The following NPLOC4 variants were observed in gnomAD, a reference collection of about 807,000 sequenced individuals.
NPLOC4 encodes the protein NPL4 homolog, ubiquitin recognition factor, also known as nuclear protein localization protein 4 homolog.
NPLOC4 carries 18 observed loss-of-function variants against 80.6 expected under a neutral mutation model. That is an observed-to-expected ratio of 0.22 (90% CI 0.15 to 0.33). The LOEUF is 0.33. Ranked by LOEUF, NPLOC4 falls within the 10% of genes least tolerant of loss-of-function variation. The probability of loss-of-function intolerance (pLI) is 1.00; values close to 1 mark genes in which losing one functional copy is unlikely to be tolerated. For missense variants in NPLOC4, 540 were observed against 786.1 expected, an observed-to-expected ratio of 0.69 and a Z score of 3.74; for synonymous variants, 313 against 301.5, an observed-to-expected ratio of 1.04 and a Z score of -0.39.
intron 2 of NPLOC4, among the ~76,000 whole-genome samples, chr17:81,624,787 C>T (rs7219915): frequency 0.62 from 93,636 of 151,984 alleles, 30,871 homozygotes; most frequent in East Asian, 0.99. Flanking sequence ...TGGGTAAGCC[C>T]GCCACACGCG....
At position 81,580,397 on chromosome 17, in the gene NPLOC4, C is replaced by T. The variant is rs757487793; in HGVS notation, c.1282-8309G>A. ...CTACCCTAGTCTCCTTTTCCAGCTCCGAGCCCAGCAGCCAGAGTGATCGTC... is the reference window on the plus strand; with the variant it reads ...CTACCCTAGTCTCCTTTTCCAGCTCTGAGCCCAGCAGCCAGAGTGATCGTC... On this transcript the variant is annotated intron_variant, in intron 12 of 16. Transcript: ENST00000331134. The surrounding 1 kb of genome is among the most constrained non-coding windows in gnomAD (Gnocchi z 4.4). 9.2e-5 allele frequency among the ~76,000 whole-genome samples: 14 copies of T among 152,278 alleles called. No individual in the cohort carries two copies. Among genetic ancestry groups the T allele is most frequent in the Middle Eastern group, 3.4e-3 (1 of 294 alleles).
chr17:81,618,818 A>G (rs1374326340), intron 3 of NPLOC4, among the ~76,000 whole-genome samples: 1 of 152,158 alleles, frequency 6.6e-6, no homozygotes, highest in Non-Finnish European at 1.5e-5. Context: ...GTCTGTGTAG[A>G]AGGAAGTAGA....
In NPLOC4 at chr17:81,632,382, G is replaced by A. The variant is rs745814942; in HGVS notation, c.16-2577C>T. Among the ~76,000 whole-genome samples, 11 of 145,958 alleles carry A rather than the reference G, an allele frequency of 7.5e-5. No individual in the cohort carries two copies. In the Middle Eastern group the frequency reaches 0.012, roughly 157 times the overall value. On this transcript the variant is annotated intron_variant, in intron 1 of 16. Transcript: ENST00000331134. ...GGCTGGAGTGCAATGGCGTGATCTC[G>A]GCTCACTGCAACCTCTGCCTCCCCG...
intron 12 of NPLOC4, among the ~76,000 whole-genome samples, chr17:81,586,168 G>C (rs538047513): frequency 3.9e-5 from 6 of 152,240 alleles, no homozygotes; most frequent in Non-Finnish European, 8.8e-5. Flanking sequence ...CCCAGCAAAG[G>C]GGACTGTGGC....
At chr17:81,566,819 G>A (rs551094414) in intron 15 of NPLOC4, 1 of 152,830 alleles carries the variant, frequency 6.5e-6, no homozygotes, top group African/African-American at 2.4e-5. Context: ...GCCAAAGTCG[G>A]ACCCCTACAC....
At chr17:81,604,821 C>T (rs987591905) in intron 7 of NPLOC4, 94 bp from the exon 8 acceptor site, 15 of 1,201,634 alleles carry the variant, frequency 1.2e-5, no homozygotes, top group Non-Finnish European at 1.7e-5. Flanking sequence ...TATCTTTTAC[C>T]TAGTTCTTTA....
rs549127403 is a variant in NPLOC4, at chr17:81,584,639, G to A, written c.1281+4305C>T. Among the ~76,000 whole-genome samples, 61 of 152,308 alleles carry A rather than the reference G, an allele frequency of 4.0e-4. No homozygotes were observed. In the Middle Eastern group the frequency reaches 0.01, roughly 25 times the overall value. The stretch of plus-strand genomic sequence containing the variant: ...GGGCTGATGATGGAAAGGATAATAC[G>A]TGTAGGAAATGCGAAAGACTAAACT... On this transcript the variant is annotated intron_variant, in intron 12 of 16. Coordinates refer to ENST00000331134, the MANE Select transcript of NPLOC4 (RefSeq NM_017921.4).
intron 13 of NPLOC4, among the ~76,000 whole-genome samples, chr17:81,570,198 G>A (rs1447979336): frequency 1.3e-5 from 2 of 152,234 alleles, no homozygotes; most frequent in Non-Finnish European, 2.9e-5. Context: ...GGTGGGTCAT[G>A]AAGACTCGGG....
At chr17:81,588,920 TTC>T in intron 12 of NPLOC4, 22 bp downstream of exon 12, 2 of 1,603,672 alleles carry the variant, frequency 1.2e-6, no homozygotes, top group Non-Finnish European at 1.7e-6. Flanking sequence ...ATGTACAGAG[TTC>T]TTTTTCTTAC....
chr17:81,612,173 C>G (rs543330061), intron 4 of NPLOC4, among the ~76,000 whole-genome samples: 10 of 152,220 alleles, frequency 6.6e-5, no homozygotes, highest in African/African-American at 1.9e-4. Context: ...CACGCACAAT[C>G]TGAAGGAGAG....
chr17:81,634,021 G>A (rs921292442), intron 1 of NPLOC4, among the ~76,000 whole-genome samples: 2 of 151,436 alleles, frequency 1.3e-5, no homozygotes, highest in Non-Finnish European at 2.9e-5. Flanking sequence ...ACGCCACCAC[G>A]CCCGGTTAAT....
intron 11 of NPLOC4, among the ~76,000 whole-genome samples, chr17:81,594,919 G>C (rs139337381): frequency 1.1e-3 from 160 of 151,878 alleles, no homozygotes; most frequent in African/African-American, 3.8e-3. Context: ...TCCAGCCTGG[G>C]TGACAGAGCA....
At chr17:81,610,101 T>C (rs8077038) in intron 5 of NPLOC4, 109 bp downstream of exon 5, 6 of 925,506 alleles carry the variant, frequency 6.5e-6, no homozygotes, top group Non-Finnish European at 1.0e-5. Flanking sequence ...GTAAGTTCTT[T>C]GAACCACTCA....
chr17:81,563,861 C>A, intron 16 of NPLOC4: 1 of 449,196 alleles, frequency 2.2e-6, no homozygotes. Flanking sequence ...GCAGGAACAG[C>A]AAACCAAATA....
chr17:81,571,911 T>A lies in NPLOC4; in HGVS notation c.1353+106A>T, dbSNP rs1224230218. On this transcript the variant is annotated intron_variant, in intron 13 of 16. Transcript: ENST00000331134. ...GGTGGGCACTGCTCAAGGCAGAGGG[T>A]GCCTTAAATTGCAGCCTCCTCCCTT... The A allele has an allele frequency of 2.8e-4, 188 of 677,716 alleles. 4 individuals carry two copies. In the East Asian group the frequency reaches 5.8e-3, roughly 21 times the overall value. 42.0% of individuals were successfully genotyped at this position (677,716 alleles called of 1,614,324 possible). A position where few individuals can be genotyped will look rare whatever the true frequency, so the allele number is the denominator to read the frequency against.
At chr17:81,581,071 C>A (rs1464055631) in intron 12 of NPLOC4, among the ~76,000 whole-genome samples, 1 of 152,190 alleles carries the variant, frequency 6.6e-6, no homozygotes, top group Non-Finnish European at 1.5e-5. Flanking sequence ...CACAGTAAGG[C>A]TGGAAGCGGT....
chr17:81,578,414 C>G (rs1255351773), intron 12 of NPLOC4, among the ~76,000 whole-genome samples: 2 of 152,240 alleles, frequency 1.3e-5, no homozygotes, highest in African/African-American at 4.8e-5. Context: ...CACCGTGGCG[C>G]CCCAGGCCTA....
intron 16 of NPLOC4, chr17:81,565,295 C>T (rs944213391): frequency 1.1e-5 from 8 of 702,010 alleles, no homozygotes; most frequent in South Asian, 4.4e-5. Flanking sequence ...CTAAGACGTA[C>T]GGCCTGGACA....
At chr17:81,636,338 G>C (rs2036071594) in intron 1 of NPLOC4, 1 of 152,266 alleles carries the variant, frequency 6.6e-6, no homozygotes, top group South Asian at 2.1e-4. Flanking sequence ...AAGAGGAATT[G>C]TCAAGTTGTC....
Sources: allele counts gnomAD v4.1 joint callset (sites outside exome capture counted in the v4.1 genomes callset), GRCh38; gene constraint gnomAD v4.1.1; non-coding constraint Gnocchi (gnomAD v3.1); transcripts MANE v1.5; gene names NCBI Gene and HGNC (gene_info 2026-07-23, HGNC 2026-07-21).